The following RBM20 variants were observed in gnomAD, a reference collection of about 807,000 sequenced individuals.
The protein encoded by RBM20 is RNA-binding protein 20.
In RBM20, 51 loss-of-function variants were observed where a neutral mutation model predicts 110.1. The observed-to-expected ratio is 0.46, with a 90% confidence interval of 0.37 to 0.59. The LOEUF is 0.59. Among genes scored for constraint, RBM20 ranks in the 20% least tolerant of loss-of-function variants. The pLI is 0.00. For synonymous variants in RBM20, 589 were observed against 618.2 expected, an observed-to-expected ratio of 0.95 and a Z score of 0.70; for missense variants, 1,512 against 1,574.9, an observed-to-expected ratio of 0.96 and a Z score of 0.68.
intron 1 of RBM20, among the ~76,000 whole-genome samples, chr10:110,717,719 T>C (rs554439548): frequency 6.6e-6 from 1 of 152,328 alleles, no homozygotes; most frequent in East Asian, 1.9e-4. Context: ...TTCCCATCCC[T>C]CTTCCTCTGG....
chr10:110,735,353 T>TA (rs1843659854), intron 1 of RBM20, among the ~76,000 whole-genome samples: 1 of 152,222 alleles, frequency 6.6e-6, no homozygotes, highest in South Asian at 2.1e-4. Context: ...GTATTTTTTT[T>TA]ATGTGGAAAG....
At chr10:110,732,005 T>A (rs2134953137) in intron 1 of RBM20, among the ~76,000 whole-genome samples, 1 of 152,326 alleles carries the variant, frequency 6.6e-6, no homozygotes, top group Admixed American at 6.5e-5. Flanking sequence ...TCTAGAGCTC[T>A]TTCTTGTCTC....
intron 1 of RBM20, among the ~76,000 whole-genome samples, chr10:110,655,182 A>G (rs1862003452): frequency 6.6e-6 from 1 of 152,224 alleles, no homozygotes. Flanking sequence ...TTATAGAAAA[A>G]AATGACTAAA....
At chr10:110,775,636 T>C (rs1380265057) in intron 1 of RBM20, among the ~76,000 whole-genome samples, 1 of 152,082 alleles carries the variant, frequency 6.6e-6, no homozygotes, top group Non-Finnish European at 1.5e-5. Context: ...TCCTCTTTTC[T>C]CCCTATGATG....
chr10:110,676,627 C>T (rs1053086772), intron 1 of RBM20, among the ~76,000 whole-genome samples: 1 of 152,178 alleles, frequency 6.6e-6, no homozygotes, highest in African/African-American at 2.4e-5. Context: ...CTTTATATTA[C>T]TTCATTCACA....
rs1844495911 is a variant in RBM20 at position 110,792,383 on chromosome 10, GA to G, written c.1528-5123del. ...CACATCCTTTAACTGTTGGGTGGAG[GA>G]AGGAGATAAACATTATTTACAGGAG... On this transcript the variant is annotated intron_variant, in intron 5 of 13. Coordinates refer to ENST00000369519, the MANE Select transcript of RBM20 (RefSeq NM_001134363.3). Among the ~76,000 whole-genome samples the G allele has an allele frequency of 2.6e-5, 4 of 152,256 alleles. No individual in the cohort carries two copies. The South Asian group carries it at 8.3e-4, about 32-fold the overall frequency.
chr10:110,655,943 G>A (rs570144358), intron 1 of RBM20, among the ~76,000 whole-genome samples: 59 of 151,752 alleles, frequency 3.9e-4, no homozygotes, highest in African/African-American at 1.4e-3. Flanking sequence ...TTGAAGTGTG[G>A]TAAGCTGCAC....
chr10:110,687,998 TGTGTGTGTG>T, intron 1 of RBM20, among the ~76,000 whole-genome samples: 1 of 6,012 alleles, frequency 1.7e-4, no homozygotes, highest in South Asian at 0.015. Flanking sequence ...AATGGTTTTG[TGTGTGTGTG>T]TGTGTGTGTG....
intron 1 of RBM20, among the ~76,000 whole-genome samples, chr10:110,766,286 CT>C (rs1283909952): frequency 2.0e-5 from 3 of 151,228 alleles, no homozygotes; most frequent in Non-Finnish European, 4.4e-5. Context: ...GTGAGGTTGT[CT>C]TTTAGCTCTA....
chr10:110,811,906 C>G (rs1176128623), intron 8 of RBM20, among the ~76,000 whole-genome samples: 1 of 152,176 alleles, frequency 6.6e-6, no homozygotes, highest in Non-Finnish European at 1.5e-5. Flanking sequence ...TCTTGCCCCC[C>G]AGCGCCCACC....
At chr10:110,758,776 G>T (rs1040557695) in intron 1 of RBM20, among the ~76,000 whole-genome samples, 6 of 152,224 alleles carry the variant, frequency 3.9e-5, no homozygotes, top group Admixed American at 2.0e-4. Flanking sequence ...ATAGAAAAAT[G>T]TGGCAAATAG....
intron 12 of RBM20, among the ~76,000 whole-genome samples, chr10:110,823,826 T>C (rs1033828883): frequency 2.0e-4 from 31 of 151,928 alleles, no homozygotes; most frequent in Non-Finnish European, 1.9e-4. Flanking sequence ...CAAGTGATCC[T>C]CCCACCTCAG....
intron 5 of RBM20, 145 bp downstream of exon 5, chr10:110,785,034 G>T: frequency 1.6e-6 from 1 of 613,546 alleles, no homozygotes; most frequent in Admixed American, 2.9e-5. Flanking sequence ...GGTCCCAAGT[G>T]ATCTTCCTGC....
rs114383893 is a variant in RBM20 at position 110,687,833 on chromosome 10, C to T, written c.191+43188C>T. On this transcript the variant is annotated intron_variant, in intron 1 of 13. Coordinates refer to ENST00000369519, the MANE Select transcript of RBM20 (RefSeq NM_001134363.3). Reference sequence around the variant, plus strand: ...TGCTGCTTTTTTAAAAATGTTGCATCAACATTTACGATACATATAAAAAAG... The same window carrying T: ...TGCTGCTTTTTTAAAAATGTTGCATTAACATTTACGATACATATAAAAAAG... 5.0e-3 allele frequency among the ~76,000 whole-genome samples: 767 copies of T among 152,234 alleles called. 5 individuals carry two copies. The highest frequency in any genetic ancestry group is 0.018 in the African/African-American group (731 of 41,540).
chr10:110,677,865 T>C (rs1862361979), intron 1 of RBM20, among the ~76,000 whole-genome samples: 1 of 152,188 alleles, frequency 6.6e-6, no homozygotes, highest in Non-Finnish European at 1.5e-5. Flanking sequence ...TTCTGAATTG[T>C]TTTACTCGAG....
intron 1 of RBM20, among the ~76,000 whole-genome samples, chr10:110,766,929 GA>G (rs1844095864): frequency 6.8e-6 from 1 of 148,016 alleles, no homozygotes; most frequent in Admixed American, 6.7e-5. Context: ...TCACCTCCCG[GA>G]CGGGGCGGCT....
intron 3 of RBM20, 90 bp from the exon 4 acceptor site, chr10:110,784,251 G>A: frequency 1.1e-6 from 1 of 911,980 alleles, no homozygotes; most frequent in Non-Finnish European, 1.7e-6. Flanking sequence ...CTATTTGGGG[G>A]TCTGCACCTA....
At chr10:110,803,251 C>T (rs1344343432) in intron 7 of RBM20, among the ~76,000 whole-genome samples, 1 of 152,160 alleles carries the variant, frequency 6.6e-6, no homozygotes, top group Admixed American at 6.5e-5. Context: ...TACTTAGCTA[C>T]TGGAAGAGCT....
chr10:110,737,188 A>C (rs1255717478), intron 1 of RBM20, among the ~76,000 whole-genome samples: 1 of 141,074 alleles, frequency 7.1e-6, no homozygotes, highest in South Asian at 2.2e-4. Context: ...AAAAAAAAAA[A>C]AAAAAAAAAC....
Sources: gnomAD v4.1 joint callset for allele counts (sites outside exome capture counted in the v4.1 genomes callset) on GRCh38, gnomAD v4.1.1 for gene constraint, MANE v1.5 for transcripts, NCBI Gene and HGNC (gene_info 2026-07-23, HGNC 2026-07-21) for gene names.